MACROD2: variants seen among roughly 807,000 people sequenced by gnomAD.
MACROD2 encodes ADP-ribose glycohydrolase MACROD2.
A neutral mutation model predicts 70.4 loss-of-function variants in MACROD2; 36 were observed. The ratio of observed to expected loss-of-function variants is 0.51; its 90% CI spans 0.39 to 0.68. The LOEUF is 0.68. MACROD2 is among the 30% of genes least tolerant of loss of function. MACROD2 has a pLI of 0.00. For missense variants in MACROD2, 496 were observed against 538.4 expected, an observed-to-expected ratio of 0.92 and a Z score of 0.78; for synonymous variants, 172 against 178.8, an observed-to-expected ratio of 0.96 and a Z score of 0.30.
At chr20:15,796,680 G>A (rs6131713) in intron 8 of MACROD2, among the ~76,000 whole-genome samples, 28,144 of 152,034 alleles carry the variant, frequency 0.19, 2,703 homozygotes, top group Non-Finnish European at 0.21. Flanking sequence ...TTTGGCAAAT[G>A]CTCAATAATA....
intron 3 of MACROD2, among the ~76,000 whole-genome samples, chr20:14,391,778 T>C (rs7265562): frequency 0.011 from 1,572 of 146,264 alleles, 25 homozygotes; most frequent in African/African-American, 0.037. Flanking sequence ...TGGGTACTTA[T>C]GGACATAAAG....
chr20:15,587,490 C>T (rs967885186), intron 8 of MACROD2, among the ~76,000 whole-genome samples: 42 of 152,320 alleles, frequency 2.8e-4, no homozygotes, highest in African/African-American at 9.9e-4. Context: ...CTCATTTCAG[C>T]ATTAACCCAA....
At chr20:14,732,631 A>G (rs1001280910) in intron 5 of MACROD2, among the ~76,000 whole-genome samples, 1 of 152,172 alleles carries the variant, frequency 6.6e-6, no homozygotes, top group Non-Finnish European at 1.5e-5. Context: ...TTTAGCCCGT[A>G]TCTCAGGAGG....
chr20:14,862,658 T>TATATATATATAAATATATATATAA lies in MACROD2; in HGVS notation c.418+177708_418+177709insTAAATATATATATAAATATATATA, dbSNP rs2073380179. Among the ~76,000 whole-genome samples, 2 of 45,488 alleles carry TATATATATATAAATATATATATAA rather than the reference T, an allele frequency of 4.4e-5. 1 individual carries two copies. Among genetic ancestry groups the TATATATATATAAATATATATATAA allele is most frequent in the African/African-American group, 1.7e-4 (2 of 11,798 alleles). The allele number at this position is 45,488 out of a possible 152,430, so 29.8% of individuals were successfully genotyped here. A position where few individuals can be genotyped will look rare whatever the true frequency, so the allele number is the denominator to read the frequency against. ...ATATATATAAATATATATATATAAA[T>TATATATATATAAATATATATATAA]ATATATATAAATATATATAAATATA... On this transcript the variant is annotated intron_variant, in intron 5 of 17. Coordinates refer to ENST00000684519, the MANE Select transcript of MACROD2 (RefSeq NM_001351661.2).
rs543765195 is a variant in MACROD2 at position 15,046,353 on chromosome 20, G to C, written c.419-183587G>C. 2.6e-5 allele frequency among the ~76,000 whole-genome samples: 4 copies of C among 152,156 alleles called. No homozygotes were observed. The East Asian group carries it at 7.7e-4, about 29-fold the overall frequency. ...TGAACATAAGTTTTGCAAAAAGAATGGTCCCCAAAACCAAAACATTTCACG... is the reference window on the plus strand; with the variant it reads ...TGAACATAAGTTTTGCAAAAAGAATCGTCCCCAAAACCAAAACATTTCACG... On this transcript the variant is annotated intron_variant, in intron 5 of 17. Transcript: ENST00000684519.
chr20:14,245,091 G>A (rs936719889), intron 3 of MACROD2, among the ~76,000 whole-genome samples: 8 of 152,272 alleles, frequency 5.3e-5, no homozygotes, highest in Middle Eastern at 3.4e-3. Context: ...TAGGCCGGGC[G>A]TAGTGGCTCA....
chr20:16,032,555 C>A (rs2067165602), intron 15 of MACROD2, among the ~76,000 whole-genome samples: 1 of 144,852 alleles, frequency 6.9e-6, no homozygotes, highest in African/African-American at 2.6e-5. Flanking sequence ...AGAAGGGAGG[C>A]AGGGAAGGAG....
chr20:15,087,283 G>A (rs2075756157), intron 5 of MACROD2, among the ~76,000 whole-genome samples: 1 of 151,978 alleles, frequency 6.6e-6, no homozygotes, highest in African/African-American at 2.4e-5. Flanking sequence ...TGACTAAGGA[G>A]AGGGAAAAAT....
intron 3 of MACROD2, among the ~76,000 whole-genome samples, chr20:14,169,641 G>A (rs1236772414): frequency 6.6e-5 from 10 of 152,100 alleles, no homozygotes; most frequent in South Asian, 6.2e-4. Flanking sequence ...GATGCCCAGC[G>A]TTGGCCATAT....
chr20:14,463,192 A>G (rs1471548615), intron 3 of MACROD2, among the ~76,000 whole-genome samples: 2 of 151,414 alleles, frequency 1.3e-5, no homozygotes, highest in Non-Finnish European at 2.9e-5. Context: ...CCATTTGTTT[A>G]TATCCTCTTT....
At chr20:14,034,937 T>C (rs1569127003) in intron 2 of MACROD2, among the ~76,000 whole-genome samples, 1 of 152,230 alleles carries the variant, frequency 6.6e-6, no homozygotes, top group East Asian at 1.9e-4. Flanking sequence ...TTTACATTTT[T>C]ATGTGCTTAG....
At chr20:14,053,870 A>G (rs1452408036) in intron 2 of MACROD2, among the ~76,000 whole-genome samples, 1 of 152,114 alleles carries the variant, frequency 6.6e-6, no homozygotes, top group Non-Finnish European at 1.5e-5. Context: ...TCAAAATAAA[A>G]ATTTTTAAAT....
chr20:14,076,952 G>C lies in MACROD2; in HGVS notation c.164-8669G>C, dbSNP rs542646297. On this transcript the variant is annotated intron_variant, in intron 2 of 17. Transcript: ENST00000684519. Reference sequence around the variant, plus strand: ...AATTGCTTTATAGCCATGACTTCTTGTATATCAAGCATAGCAGTAAAACAA... The same window carrying C: ...AATTGCTTTATAGCCATGACTTCTTCTATATCAAGCATAGCAGTAAAACAA... Among the ~76,000 whole-genome samples, 5 of 152,238 alleles carry C rather than the reference G, an allele frequency of 3.3e-5. No individual in the cohort carries two copies. The East Asian group carries it at 9.7e-4, about 29-fold the overall frequency.
At chr20:14,188,826 C>T (rs886773776) in intron 3 of MACROD2, among the ~76,000 whole-genome samples, 1 of 152,246 alleles carries the variant, frequency 6.6e-6, no homozygotes. Context: ...AAAAACAACA[C>T]AGCCTACATT....
chr20:14,057,495 C>CT (rs927541548), intron 2 of MACROD2, among the ~76,000 whole-genome samples: 282 of 152,214 alleles, frequency 1.9e-3, no homozygotes, highest in African/African-American at 6.5e-3. Flanking sequence ...AATATTAACA[C>CT]TCAGCAGAAT....
intron 4 of MACROD2, among the ~76,000 whole-genome samples, chr20:14,679,224 A>G (rs572070029): frequency 8.5e-5 from 13 of 152,206 alleles, no homozygotes; most frequent in Non-Finnish European, 1.5e-4. Flanking sequence ...AGAGACATTT[A>G]TTTTGTCCAG....
intron 3 of MACROD2, among the ~76,000 whole-genome samples, chr20:14,469,926 C>G (rs1210358993): frequency 1.3e-5 from 2 of 152,044 alleles, no homozygotes; most frequent in East Asian, 3.9e-4. Context: ...AAGCCTACTT[C>G]TGTCAATTCA....
chr20:14,943,900 C>G (rs1362438256), intron 5 of MACROD2, among the ~76,000 whole-genome samples: 1 of 152,082 alleles, frequency 6.6e-6, no homozygotes, highest in African/African-American at 2.4e-5. Context: ...TTTGATGATG[C>G]CTACTTTTGT....
chr20:14,604,524 T>C (rs547543857), intron 4 of MACROD2, among the ~76,000 whole-genome samples: 24 of 152,270 alleles, frequency 1.6e-4, no homozygotes, highest in Non-Finnish European at 2.9e-4. Flanking sequence ...GGTGGCTGCG[T>C]TTAGAAGGGC....
Sources: gnomAD v4.1 joint callset for allele counts (sites outside exome capture counted in the v4.1 genomes callset) on GRCh38, gnomAD v4.1.1 for gene constraint, MANE v1.5 for transcripts, NCBI Gene and HGNC (gene_info 2026-07-23, HGNC 2026-07-21) for gene names.